Variants in ZCCHC14 observed in about 807,000 individuals in gnomAD.
ZCCHC14 encodes zinc finger CCHC-type containing 14, also known as zinc finger CCHC domain-containing protein 14.
Under a neutral mutation model 85.0 loss-of-function variants are expected in ZCCHC14, and 16 were observed. The ratio of observed to expected loss-of-function variants is 0.19; its 90% CI spans 0.13 to 0.29. The LOEUF (loss-of-function observed/expected upper bound fraction) is 0.29. ZCCHC14 is among the 10% of genes least tolerant of loss of function. The pLI, the probability that ZCCHC14 is intolerant of heterozygous loss-of-function variation, is 1.00. For missense variants in ZCCHC14, 1,303 were observed against 1,443.5 expected (o/e 0.90, Z 1.58); for synonymous variants, 775 against 630.7 (o/e 1.23, Z -3.43).
intron 1 of ZCCHC14, chr16:87,473,108 C>T (rs1217717836): frequency 1.3e-5 from 2 of 152,240 alleles, no homozygotes; most frequent in Non-Finnish European, 1.5e-5. Flanking sequence ...CCAGCACCCT[C>T]TCCATTGCAG....
chr16:87,447,370 A>C (rs1435536923), intron 2 of ZCCHC14, among the ~76,000 whole-genome samples: 1 of 152,148 alleles, frequency 6.6e-6, no homozygotes, highest in Non-Finnish European at 1.5e-5. Context: ...TGTACAATTC[A>C]ATGAGTTTGG....
intron 1 of ZCCHC14, chr16:87,472,840 C>T (rs76333197): frequency 0.017 from 2,543 of 152,002 alleles, 27 homozygotes; most frequent in Middle Eastern, 0.048. Context: ...GCCTCCTGAG[C>T]AGCTGCGACT....
chr16:87,450,065 G>A (rs1910622785), intron 2 of ZCCHC14, among the ~76,000 whole-genome samples: 1 of 152,220 alleles, frequency 6.6e-6, no homozygotes, highest in Non-Finnish European at 1.5e-5. Flanking sequence ...AAGAGAAAAA[G>A]AACAGCATTG....
At chr16:87,426,090 C>T (rs1337952819) in intron 3 of ZCCHC14, among the ~76,000 whole-genome samples, 3 of 152,198 alleles carry the variant, frequency 2.0e-5, no homozygotes, top group South Asian at 4.1e-4. Flanking sequence ...AAACAGAGAC[C>T]GCACAGTCAG....
At chr16:87,418,285 C>T (rs1437775642) in intron 7 of ZCCHC14, among the ~76,000 whole-genome samples, 1 of 152,260 alleles carries the variant, frequency 6.6e-6, no homozygotes, top group Non-Finnish European at 1.5e-5. Context: ...CGGCACTCCA[C>T]TCTGGCCTTG....
chr16:87,436,449 G>A (rs997866903), intron 2 of ZCCHC14, among the ~76,000 whole-genome samples: 2 of 152,264 alleles, frequency 1.3e-5, no homozygotes, highest in African/African-American at 2.4e-5. Flanking sequence ...GGAAGACCAG[G>A]CACAAGGAGT....
intron 8 of ZCCHC14, among the ~76,000 whole-genome samples, chr16:87,416,573 A>G (rs1300345619): frequency 6.6e-6 from 1 of 152,038 alleles, no homozygotes; most frequent in African/African-American, 2.4e-5. Flanking sequence ...TGGCCAACAT[A>G]GGGAAACCCT....
intron 1 of ZCCHC14, among the ~76,000 whole-genome samples, chr16:87,463,694 G>A (rs1911382612): frequency 6.6e-6 from 1 of 152,080 alleles, no homozygotes; most frequent in Non-Finnish European, 1.5e-5. Flanking sequence ...GTGGTGGCGG[G>A]CACCTGTAAT....
chr16:87,469,593 G>C (rs77742430), intron 1 of ZCCHC14, among the ~76,000 whole-genome samples: 3,127 of 152,362 alleles, frequency 0.021, 53 homozygotes, highest in Middle Eastern at 0.065. Flanking sequence ...TCAGTAAAAT[G>C]CATTTCTAGT....
chr16:87,420,731 A>G lies in ZCCHC14; in HGVS notation c.841-15T>C. ...AGCTGACATAGCTGGAAGAGAGGAC[A>G]AGGTAGAGGAGGTGTGTCCAGACCC... On this transcript the variant is annotated splice_polypyrimidine_tract_variant and intron_variant, in intron 4 of 12. Transcript: ENST00000671377. The surrounding 1 kb of genome is among the most constrained non-coding windows in gnomAD (Gnocchi z 5.0). The G allele has an allele frequency of 6.2e-7, 1 of 1,602,060 alleles. No homozygotes were observed. The highest frequency in any genetic ancestry group is 1.1e-5 in the South Asian group (1 of 89,148).
At position 87,432,446 on chromosome 16, in the gene ZCCHC14, G is replaced by A. The variant is rs535545516; in HGVS notation, c.768+682C>T. 1.4e-4 allele frequency among the ~76,000 whole-genome samples: 22 copies of A among 152,280 alleles called. No homozygotes were observed. In the East Asian group the frequency reaches 3.5e-3, roughly 24 times the overall value. The stretch of plus-strand genomic sequence containing the variant: ...TCCTCCTGCTGCCCAGGATGAACGC[G>A]TGAGGACTGGTGCCCTGGCTAGCAC... On this transcript the variant is annotated intron_variant, in intron 3 of 12. Transcript: ENST00000671377.
rs1358452879 is a variant in ZCCHC14 at position 87,467,344 on chromosome 16, T to A, written c.571-7213A>T. ...CAAGCGAAAACAGAAAAAGATTTCA[T>A]CCAACTCTGCACCCCTGGGGTAATT... On this transcript the variant is annotated intron_variant, in intron 1 of 12. Transcript: ENST00000671377. 21 of 1,595,252 alleles carry A rather than the reference T, an allele frequency of 1.3e-5. No homozygotes were observed. In the Admixed American group the frequency reaches 3.3e-4, roughly 25 times the overall value.
intron 3 of ZCCHC14, among the ~76,000 whole-genome samples, chr16:87,429,699 T>C (rs1291295778): frequency 6.6e-6 from 1 of 152,196 alleles, no homozygotes; most frequent in Non-Finnish European, 1.5e-5. Context: ...CTCCGCCTCC[T>C]GGCTTCAAGC....
At chr16:87,410,482 C>A in intron 12 of ZCCHC14, 147 bp from the exon 13 acceptor site, 1 of 523,234 alleles carries the variant, frequency 1.9e-6, no homozygotes, top group Non-Finnish European at 3.4e-6. Context: ...CTACTCCCTT[C>A]CTGCCCCTGC....
At position 87,491,909 on chromosome 16, in the gene ZCCHC14, C is replaced by A; in HGVS notation, c.330G>T (p.Thr110=). Residue 110 remains threonine, a synonymous_variant, in exon 1 of 13, where the codon ACG becomes ACT. Transcript: ENST00000671377. The surrounding 1 kb of genome is among the most constrained non-coding windows in gnomAD (Gnocchi z 5.9). ...AGTTGTGGATGATGGAGTCGATGTGCGTGAGCGTGCGGTAGAGCACGCCCG... is the reference window on the plus strand; with the variant it reads ...AGTTGTGGATGATGGAGTCGATGTGAGTGAGCGTGCGGTAGAGCACGCCCG... ...EAAGVLYRTL[T]HIDSIIHNYG... 1 of 1,513,920 alleles carries A rather than the reference C, an allele frequency of 6.6e-7. No homozygotes were observed. The allele number at this position is 1,513,920 out of a possible 1,614,324, so 93.8% of individuals were successfully genotyped here.
At chr16:87,453,820 T>A (rs78890273) in intron 2 of ZCCHC14, among the ~76,000 whole-genome samples, 1 of 152,172 alleles carries the variant, frequency 6.6e-6, no homozygotes, top group African/African-American at 2.4e-5. Context: ...GAAAACGCGA[T>A]GAATGGACAC....
chr16:87,483,284 C>G (rs1455791560), intron 1 of ZCCHC14, among the ~76,000 whole-genome samples: 1 of 113,184 alleles, frequency 8.8e-6, no homozygotes, highest in Non-Finnish European at 1.7e-5. Context: ...ATGGTGAAAC[C>G]CCATCTCTAC....
intron 2 of ZCCHC14, among the ~76,000 whole-genome samples, chr16:87,433,887 G>A (rs1051940741): frequency 1.2e-4 from 19 of 152,028 alleles, no homozygotes; most frequent in Admixed American, 1.3e-4. Flanking sequence ...CAGGTGATCC[G>A]CCCGCCTCAG....
intron 6 of ZCCHC14, among the ~76,000 whole-genome samples, chr16:87,419,270 A>G (rs1448289747): frequency 1.3e-5 from 2 of 151,030 alleles, no homozygotes; most frequent in African/African-American, 4.9e-5. Flanking sequence ...CTGGGATTAC[A>G]GGAGCCTGCC....
Sources: gnomAD v4.1 joint callset for allele counts (sites outside exome capture counted in the v4.1 genomes callset) on GRCh38, gnomAD v4.1.1 for gene constraint, Gnocchi (gnomAD v3.1) non-coding constraint, MANE v1.5 for transcripts, NCBI Gene and HGNC (gene_info 2026-07-23, HGNC 2026-07-21) for gene names.